PARG: variants seen among roughly 807,000 people sequenced by gnomAD.
The protein encoded by PARG is poly(ADP-ribose) glycohydrolase, also known as mitochondrial poly(ADP-ribose) glycohydrolase.
PARG carries 35 observed loss-of-function variants against 113.0 expected under a neutral mutation model. The observed-to-expected ratio is 0.31, with a 90% CI of 0.24 to 0.41. The LOEUF is 0.41. PARG is among the 10% of genes least tolerant of loss of function. The probability of loss-of-function intolerance (pLI) is 1.00; values close to 1 mark genes in which losing one functional copy is unlikely to be tolerated. For missense variants in PARG, 797 were observed against 1,169.4 expected, an observed-to-expected ratio of 0.68 and a Z score of 4.64; for synonymous variants, 330 against 409.9, an observed-to-expected ratio of 0.81 and a Z score of 2.36.
intron 7 of PARG, among the ~76,000 whole-genome samples, chr10:49,908,884 A>T (rs1398234174): frequency 6.6e-6 from 1 of 152,190 alleles, no homozygotes; most frequent in African/African-American, 2.4e-5. Context: ...CAGTTATAAC[A>T]ATTTACCGCC....
intron 1 of PARG, 75 bp downstream of exon 1, chr10:49,941,434 G>GC (rs1839060406): frequency 9.1e-7 from 1 of 1,096,706 alleles, no homozygotes; most frequent in Non-Finnish European, 1.4e-6. Context: ...AGTGACTGGA[G>GC]CCCCTGGGTC....
intron 16 of PARG, among the ~76,000 whole-genome samples, chr10:49,827,834 G>A (rs1456040149): frequency 2.0e-5 from 3 of 152,020 alleles, no homozygotes; most frequent in African/African-American, 7.3e-5. Flanking sequence ...CAACATGTCT[G>A]CAATAATTGA....
chr10:49,938,860 A>C (rs1220409925), intron 1 of PARG, among the ~76,000 whole-genome samples: 1 of 152,174 alleles, frequency 6.6e-6, no homozygotes. Flanking sequence ...TAAAAATTTA[A>C]ATACCAAGTT....
intron 8 of PARG, among the ~76,000 whole-genome samples, chr10:49,881,648 T>C (rs1171708965): frequency 6.6e-6 from 1 of 152,140 alleles, no homozygotes; most frequent in Non-Finnish European, 1.5e-5. Context: ...AAACCAAAAC[T>C]GCGGTGCTGA....
intron 3 of PARG, among the ~76,000 whole-genome samples, chr10:49,932,853 A>G (rs1317360517): frequency 6.6e-6 from 1 of 152,090 alleles, no homozygotes; most frequent in Non-Finnish European, 1.5e-5. Flanking sequence ...AGTGTAATAT[A>G]CAATGGTCTA....
chr10:49,888,333 T>A (rs1229207757), intron 7 of PARG, among the ~76,000 whole-genome samples: 1 of 152,094 alleles, frequency 6.6e-6, no homozygotes, highest in Non-Finnish European at 1.5e-5. Flanking sequence ...CTTTCTTCTT[T>A]CCTGATGTTC....
chr10:49,868,524 G>C (rs1339030982), intron 10 of PARG, among the ~76,000 whole-genome samples: 7 of 152,022 alleles, frequency 4.6e-5, no homozygotes, highest in African/African-American at 1.5e-4. Flanking sequence ...ACATTCAAGG[G>C]GGAAGATGCC....
At position 49,932,371 on chromosome 10, in the gene PARG, A is replaced by G. The variant is rs1264829351; in HGVS notation, c.1272-88T>C. The stretch of plus-strand genomic sequence containing the variant: ...CAAGCACAAAACTTACCCAGACGTT[A>G]TTGTTTAAAGTATGCCATACTTGGT... On this transcript the variant is annotated intron_variant, in intron 3 of 17. Transcript: ENST00000616448. 39 of 803,618 alleles carry G rather than the reference A, an allele frequency of 4.9e-5. 1 individual carries two copies. The East Asian group carries it at 9.0e-4, about 19-fold the overall frequency. The allele number at this position is 803,618 out of a possible 1,614,324, so 49.8% of individuals were successfully genotyped here.
At position 49,927,333 on chromosome 10, in the gene PARG, A is replaced by G. The variant is rs1457916326; in HGVS notation, c.1456-4664T>C. ...AAGAAAGAAAGAAAGAAAGAAGGAA[A>G]GAAGGAAGGAAGGAAGGAAAGAAAG... On this transcript the variant is annotated intron_variant, in intron 4 of 17. Transcript: ENST00000616448. Among the ~76,000 whole-genome samples, 535 of 137,464 alleles carry G rather than the reference A, an allele frequency of 3.9e-3. 4 individuals are homozygous for G. The highest frequency in any genetic ancestry group is 0.013 in the African/African-American group (421 of 33,122). The allele number at this position is 137,464 out of a possible 152,430, so 90.2% of individuals were successfully genotyped here.
chr10:49,873,652 T>G (rs1846807204), intron 9 of PARG, among the ~76,000 whole-genome samples: 1 of 113,476 alleles, frequency 8.8e-6, no homozygotes, highest in Non-Finnish European at 1.8e-5. Flanking sequence ...GTACAGTTGT[T>G]GTTCCTATTA....
At chr10:49,935,717 T>C (rs1838710295) in intron 1 of PARG, among the ~76,000 whole-genome samples, 1 of 152,178 alleles carries the variant, frequency 6.6e-6, no homozygotes, top group Admixed American at 6.5e-5. Flanking sequence ...AGGCTTGACT[T>C]ATGCCTTGAA....
At position 49,932,222 on chromosome 10, in the gene PARG, G is replaced by A. The variant is rs1419011123; in HGVS notation, c.1333C>T (p.Pro445Ser). 3.8e-6 allele frequency: 6 copies of A among 1,599,312 alleles called. No homozygotes were observed. The highest frequency in any genetic ancestry group is 4.3e-6 in the Non-Finnish European group (5 of 1,166,410). The change falls in exon 4 of 18, where the codon CCT becomes TCT. Residue 445 changes from proline (P) to serine (S), a missense_variant. By Grantham distance (74) the Pro-to-Ser change is moderately conservative (BLOSUM62 -1). This residue lies in a region of PARG where 252 missense variants were observed against 437.4 expected (regional missense o/e 0.58). Coordinates refer to ENST00000616448, the MANE Select transcript of PARG (RefSeq NM_003631.5). ...TERKIPKYVP[P>S]HLSPDKKWLG... ...CACTTCTTATCTGGAGAAAGGTGAG[G>A]TGGAACGTATTTAGGGATCTTCCTT...
intron 4 of PARG, among the ~76,000 whole-genome samples, chr10:49,931,693 C>CAAAA (rs1191457420): frequency 2.8e-4 from 20 of 71,710 alleles, no homozygotes; most frequent in East Asian, 5.8e-4. Context: ...TGGTCTCCAG[C>CAAAA]AAAAAAAAAA....
chr10:49,844,200 T>C (rs1374483557), intron 13 of PARG, among the ~76,000 whole-genome samples: 1 of 151,918 alleles, frequency 6.6e-6, no homozygotes, highest in Non-Finnish European at 1.5e-5. Flanking sequence ...AAAAAGCATA[T>C]AAGTAAACTT....
At chr10:49,904,305 G>A (rs1805130031) in intron 7 of PARG, among the ~76,000 whole-genome samples, 1 of 151,740 alleles carries the variant, frequency 6.6e-6, no homozygotes, top group Admixed American at 6.6e-5. Context: ...GAAGATGGCA[G>A]AGAGAAAGAG....
intron 1 of PARG, among the ~76,000 whole-genome samples, chr10:49,939,902 A>G (rs1488343561): frequency 2.0e-5 from 3 of 152,258 alleles, no homozygotes; most frequent in South Asian, 4.1e-4. Flanking sequence ...AGCCTCTTAC[A>G]CTGTTAACGA....
intron 8 of PARG, among the ~76,000 whole-genome samples, chr10:49,880,522 T>C (rs1554839256): frequency 2.0e-5 from 3 of 152,222 alleles, no homozygotes; most frequent in Non-Finnish European, 4.4e-5. Flanking sequence ...CAAATTCACT[T>C]ACCTTTTATT....
At chr10:49,834,201 G>C (rs1412363116) in intron 15 of PARG, among the ~76,000 whole-genome samples, 2 of 152,134 alleles carry the variant, frequency 1.3e-5, no homozygotes, top group Non-Finnish European at 2.9e-5. Flanking sequence ...GTTTTGAATA[G>C]GCTCTTGAAA....
intron 1 of PARG, among the ~76,000 whole-genome samples, chr10:49,935,682 C>T (rs1367907773): frequency 3.9e-5 from 6 of 151,988 alleles, no homozygotes; most frequent in Admixed American, 2.0e-4. Context: ...TGGGCATAAT[C>T]GGTAAGATTT....
Sources: gnomAD v4.1 joint callset for allele counts (sites outside exome capture counted in the v4.1 genomes callset) on GRCh38, gnomAD v4.1.1 for gene constraint, gnomAD v4.1.1 regional missense constraint, MANE v1.5 for transcripts, NCBI Gene and HGNC (gene_info 2026-07-23, HGNC 2026-07-21) for gene names.